The following LHFPL3 variants were observed in gnomAD, a reference collection of about 807,000 sequenced individuals.
The protein encoded by LHFPL3 is LHFPL tetraspan subfamily member 3 protein.
Under a neutral mutation model 19.3 loss-of-function variants are expected in LHFPL3, and 5 were observed. The observed-to-expected ratio is 0.26, with a 90% CI of 0.14 to 0.54. The LOEUF is 0.54. Ranked by LOEUF, LHFPL3 falls within the 20% of genes least tolerant of loss-of-function variation. The pLI is 0.94. For missense variants in LHFPL3, 249 were observed against 307.4 expected (o/e 0.81, Z 1.42); for synonymous variants, 133 against 126.2 (o/e 1.05, Z -0.36).
intron 1 of LHFPL3, among the ~76,000 whole-genome samples, chr7:104,517,389 A>T (rs1411913403): frequency 6.7e-6 from 1 of 148,684 alleles, no homozygotes; most frequent in Non-Finnish European, 1.5e-5. Context: ...GTGATGTATT[A>T]ATTTTATTAA....
chr7:104,378,582 A>G (rs760570244), intron 1 of LHFPL3, among the ~76,000 whole-genome samples: 1 of 152,198 alleles, frequency 6.6e-6, no homozygotes, highest in African/African-American at 2.4e-5. Context: ...TCCTGGACAT[A>G]TGATAAGTGC....
At chr7:104,890,745 G>T (rs1355837417) in intron 2 of LHFPL3, among the ~76,000 whole-genome samples, 1 of 152,234 alleles carries the variant, frequency 6.6e-6, no homozygotes, top group Non-Finnish European at 1.5e-5. Flanking sequence ...GGCCAGTGAG[G>T]ACCATCTTTG....
At chr7:104,375,131 G>A (rs553693484) in intron 1 of LHFPL3, among the ~76,000 whole-genome samples, 2 of 152,294 alleles carry the variant, frequency 1.3e-5, no homozygotes, top group South Asian at 4.2e-4. Flanking sequence ...TTGAGGTCAG[G>A]AATTTGAGAC....
chr7:104,372,419 T>C (rs866662190), intron 1 of LHFPL3, among the ~76,000 whole-genome samples: 16 of 152,314 alleles, frequency 1.1e-4, no homozygotes, highest in African/African-American at 3.6e-4. Context: ...TTTCCATGTT[T>C]CCAGAATGCT....
At chr7:104,495,445 A>T (rs534408270) in intron 1 of LHFPL3, among the ~76,000 whole-genome samples, 2 of 152,074 alleles carry the variant, frequency 1.3e-5, no homozygotes, top group Non-Finnish European at 2.9e-5. Context: ...GTGCAGTGGC[A>T]CAATCTCAGC....
intron 1 of LHFPL3, among the ~76,000 whole-genome samples, chr7:104,453,537 C>T (rs1455193665): frequency 1.3e-5 from 2 of 152,098 alleles, no homozygotes; most frequent in Non-Finnish European, 2.9e-5. Flanking sequence ...AAAGAACTTA[C>T]AATAGCAACT....
At chr7:104,746,404 G>A (rs2116331105) in intron 2 of LHFPL3, among the ~76,000 whole-genome samples, 1 of 152,256 alleles carries the variant, frequency 6.6e-6, no homozygotes, top group African/African-American at 2.4e-5. Context: ...CTCCCCAGGA[G>A]GTTCCAATGC....
chr7:104,789,976 C>G (rs1789989850), intron 2 of LHFPL3, among the ~76,000 whole-genome samples: 1 of 152,148 alleles, frequency 6.6e-6, no homozygotes, highest in Non-Finnish European at 1.5e-5. Flanking sequence ...GTAGAATATG[C>G]CAGCCAAGCA....
At chr7:104,375,767 G>A (rs1449522300) in intron 1 of LHFPL3, among the ~76,000 whole-genome samples, 2 of 152,162 alleles carry the variant, frequency 1.3e-5, no homozygotes, top group African/African-American at 4.8e-5. Flanking sequence ...TAACTAAAGG[G>A]TTTCTGAAGG....
intron 2 of LHFPL3, among the ~76,000 whole-genome samples, chr7:104,754,004 C>T (rs1794229643): frequency 6.6e-6 from 1 of 152,030 alleles, no homozygotes; most frequent in African/African-American, 2.4e-5. Context: ...GGATTTACAC[C>T]CAGGAAATTT....
intron 1 of LHFPL3, among the ~76,000 whole-genome samples, chr7:104,407,597 A>G (rs113467966): frequency 0.029 from 4,412 of 152,314 alleles, 198 homozygotes; most frequent in African/African-American, 0.1. Context: ...CAGAGGTTGC[A>G]GTGAGCTGAG....
At position 104,489,493 on chromosome 7, in the gene LHFPL3, C is replaced by A. The variant is rs1020025324; in HGVS notation, c.445+160269C>A. Among the ~76,000 whole-genome samples, 8 of 151,284 alleles carry A rather than the reference C, an allele frequency of 5.3e-5. No individual in the cohort carries two copies. In the Admixed American group the frequency reaches 5.3e-4, roughly 10 times the overall value. On this transcript the variant is annotated intron_variant, in intron 1 of 2. Coordinates refer to ENST00000424859, the MANE Select transcript of LHFPL3 (RefSeq NM_199000.3). ...TGCTTTCCATTTCAGCTCCTACCCTCTAATACCCTCTTTCCTTTGCATCCC... is the reference window on the plus strand; with the variant it reads ...TGCTTTCCATTTCAGCTCCTACCCTATAATACCCTCTTTCCTTTGCATCCC...
Position 104,906,925 on chromosome 7 carries a change from T to C in LHFPL3, c.*710T>C, listed in dbSNP as rs553952223. On this transcript the variant is annotated 3_prime_UTR_variant, in exon 3 of 3. Transcript: ENST00000424859. ...TATACTATTACTCCATCAAGCTGTATATTACAGGAAGTACATCTTTACATC... is the reference window on the plus strand; with the variant it reads ...TATACTATTACTCCATCAAGCTGTACATTACAGGAAGTACATCTTTACATC... The C allele has an allele frequency of 6.5e-6, 1 of 152,734 alleles. No homozygotes were observed. The highest frequency in any genetic ancestry group is 2.1e-4 in the South Asian group (1 of 4,828). The allele number at this position is 152,734 out of a possible 1,614,324, so 9.5% of individuals were successfully genotyped here.
At chr7:104,619,352 T>C (rs1335783098) in intron 1 of LHFPL3, among the ~76,000 whole-genome samples, 1 of 152,206 alleles carries the variant, frequency 6.6e-6, no homozygotes, top group Non-Finnish European at 1.5e-5. Context: ...ATTCCTCTTA[T>C]CATGACTATT....
intron 1 of LHFPL3, among the ~76,000 whole-genome samples, chr7:104,348,639 A>G (rs1000562678): frequency 3.3e-5 from 5 of 152,252 alleles, no homozygotes; most frequent in South Asian, 2.1e-4. Context: ...ACACTAACAC[A>G]TTTGAGAATA....
intron 1 of LHFPL3, among the ~76,000 whole-genome samples, chr7:104,506,070 G>GTCGC (rs1793692804): frequency 6.6e-6 from 1 of 151,140 alleles, no homozygotes; most frequent in Non-Finnish European, 1.5e-5. Context: ...AGGCTGGAGT[G>GTCGC]CAGTGACACG....
At chr7:104,531,482 T>C (rs549431584) in intron 1 of LHFPL3, among the ~76,000 whole-genome samples, 3 of 152,304 alleles carry the variant, frequency 2.0e-5, no homozygotes, top group African/African-American at 7.2e-5. Context: ...GATTATGCCA[T>C]TGGCCTTGAA....
intron 1 of LHFPL3, among the ~76,000 whole-genome samples, chr7:104,424,843 G>A (rs1791806894): frequency 6.6e-6 from 1 of 151,962 alleles, no homozygotes; most frequent in Non-Finnish European, 1.5e-5. Context: ...TTAGCCGGGC[G>A]TGGTGGTGGG....
intron 2 of LHFPL3, among the ~76,000 whole-genome samples, chr7:104,856,630 T>G (rs969711023): frequency 1.3e-5 from 2 of 152,224 alleles, no homozygotes; most frequent in Admixed American, 6.5e-5. Flanking sequence ...TTTCACTAAT[T>G]TCAGTGTATT....
Sources: gnomAD v4.1 joint callset for allele counts (sites outside exome capture counted in the v4.1 genomes callset) on GRCh38, gnomAD v4.1.1 for gene constraint, MANE v1.5 for transcripts, NCBI Gene and HGNC (gene_info 2026-07-23, HGNC 2026-07-21) for gene names.